RYR2: variants seen among roughly 807,000 people sequenced by gnomAD.
RYR2 encodes ryanodine receptor 2.
Under a neutral mutation model 601.1 loss-of-function variants are expected in RYR2, and 227 were observed. The observed-to-expected ratio is 0.38, with a 90% confidence interval of 0.34 to 0.42. The LOEUF (loss-of-function observed/expected upper bound fraction) is 0.42, where lower values mean the gene tolerates loss of function less well. RYR2 is among the 10% of genes least tolerant of loss of function. The probability of loss-of-function intolerance (pLI) is 1.00; values close to 1 mark genes in which losing one functional copy is unlikely to be tolerated. For synonymous variants in RYR2, 2,223 were observed against 2,175.1 expected (o/e 1.02, Z -0.61); for missense variants, 4,646 against 6,156.5 (o/e 0.75, Z 8.21).
chr1:237,208,958 A>ATATATATATATATATATATATG (rs1682166028), intron 1 of RYR2, among the ~76,000 whole-genome samples: 2 of 99,958 alleles, frequency 2.0e-5, no homozygotes, highest in African/African-American at 6.8e-5. Flanking sequence ...ATATATATAT[A>ATATATATATATATATATATATG]TATATATATA....
intron 24 of RYR2, among the ~76,000 whole-genome samples, chr1:237,514,561 T>C (rs1027089129): frequency 6.6e-6 from 1 of 152,258 alleles, no homozygotes; most frequent in African/African-American, 2.4e-5. Context: ...TGTACTTCTC[T>C]AAGATTCATA....
Position 237,660,168 on chromosome 1 carries a change from T to C in RYR2, c.8298+94T>C. The C allele has an allele frequency of 6.2e-6, 4 of 642,940 alleles. No homozygotes were observed. The South Asian group carries it at 1.8e-4, about 30-fold the overall frequency. 39.8% of individuals were successfully genotyped at this position (642,940 alleles called of 1,614,324 possible). On this transcript the variant is annotated intron_variant, in intron 55 of 104. Transcript: ENST00000366574. ...ATTTTTTATATTAAAATGTCTTCTT[T>C]ATTTTAAATTTCACATTTTTTCTTC...
intron 66 of RYR2, among the ~76,000 whole-genome samples, chr1:237,702,963 T>G (rs1688083788): frequency 6.6e-6 from 1 of 152,160 alleles, no homozygotes; most frequent in South Asian, 2.1e-4. Context: ...AACTCAATTT[T>G]CATATTATTT....
Position 237,565,194 on chromosome 1 carries a change from T to TCTCTTTCTTTCTTTCTTTCTTC in RYR2, c.3215-1371_3215-1370insCTTTCTTTCTTTCTTTCTTCCT, listed in dbSNP as rs1671914148. ...TTCTTTCTTTCTTTCTTTCTTTCTT[T>TCTCTTTCTTTCTTTCTTTCTTC]CTTTCTTTCTTTCTTTCTTTCTTTC... On this transcript the variant is annotated intron_variant, in intron 27 of 104. Coordinates refer to ENST00000366574, the MANE Select transcript of RYR2 (RefSeq NM_001035.3). Among the ~76,000 whole-genome samples, 9 of 87,752 alleles carry TCTCTTTCTTTCTTTCTTTCTTC rather than the reference T, an allele frequency of 1.0e-4. 1 individual carries two copies. Among genetic ancestry groups the TCTCTTTCTTTCTTTCTTTCTTC allele is most frequent in the Non-Finnish European group, 2.4e-4 (9 of 37,406 alleles). The allele number at this position is 87,752 out of a possible 152,430, so 57.6% of individuals were successfully genotyped here.
At chr1:237,196,310 T>C (rs1283826572) in intron 1 of RYR2, among the ~76,000 whole-genome samples, 1 of 152,138 alleles carries the variant, frequency 6.6e-6, no homozygotes. Context: ...AATAATAAAA[T>C]TGCCTTCTAT....
intron 1 of RYR2, among the ~76,000 whole-genome samples, chr1:237,174,869 A>G (rs992764660): frequency 6.6e-6 from 1 of 152,170 alleles, no homozygotes; most frequent in East Asian, 1.9e-4. Flanking sequence ...TATTAAATAT[A>G]CTCCACATTA....
chr1:237,181,934 A>G (rs373624683), intron 1 of RYR2, among the ~76,000 whole-genome samples: 1 of 152,192 alleles, frequency 6.6e-6, no homozygotes, highest in African/African-American at 2.4e-5. Context: ...GTGACTCACC[A>G]TTGCCAGAAC....
intron 31 of RYR2, among the ~76,000 whole-genome samples, chr1:237,591,300 C>A (rs1675176161): frequency 2.0e-5 from 3 of 151,270 alleles, no homozygotes; most frequent in Admixed American, 2.0e-4. Flanking sequence ...AATTTGTTAG[C>A]GTAGGTGCAA....
chr1:237,117,095 G>C lies in RYR2; in HGVS notation c.48+74526G>C, dbSNP rs182875685. Among the ~76,000 whole-genome samples, 298 of 152,268 alleles carry C rather than the reference G, an allele frequency of 2.0e-3. 1 individual carries two copies. The highest frequency in any genetic ancestry group is 6.9e-3 in the African/African-American group (285 of 41,550). On this transcript the variant is annotated intron_variant, in intron 1 of 104. Coordinates refer to ENST00000366574, the MANE Select transcript of RYR2 (RefSeq NM_001035.3). ...CCTTGGTGTGTGTGGGTTGAGAAAG[G>C]CCTGTGTCATGGAAGGCTGTGTCTT...
chr1:237,759,967 C>CG, intron 83 of RYR2, 115 bp downstream of exon 83: 2 of 716,678 alleles, frequency 2.8e-6, no homozygotes, highest in South Asian at 3.3e-5. Context: ...ATTAACAACA[C>CG]TTTAAAGTGG....
chr1:237,394,589 G>A (rs1482419213), intron 10 of RYR2, among the ~76,000 whole-genome samples: 1 of 152,170 alleles, frequency 6.6e-6, no homozygotes, highest in Non-Finnish European at 1.5e-5. Flanking sequence ...ATGAAAATGT[G>A]TCAACTGAAA....
At chr1:237,822,879 A>C (rs1182316824) in intron 101 of RYR2, among the ~76,000 whole-genome samples, 1 of 152,064 alleles carries the variant, frequency 6.6e-6, no homozygotes, top group African/African-American at 2.4e-5. Context: ...AAAAGCAGGG[A>C]TTGCAATTCT....
chr1:237,754,989 A>G (rs1190588782), intron 80 of RYR2: 1 of 906,348 alleles, frequency 1.1e-6, no homozygotes, highest in East Asian at 6.3e-5. Context: ...AATTTAAGAA[A>G]ACATAAAATT....
intron 41 of RYR2, among the ~76,000 whole-genome samples, chr1:237,631,212 T>G (rs918352633): frequency 3.9e-5 from 6 of 152,200 alleles, no homozygotes; most frequent in Non-Finnish European, 5.9e-5. Context: ...TTTATTACAA[T>G]GGAAAAGAAT....
chr1:237,505,861 A>G (rs901832198), intron 22 of RYR2, among the ~76,000 whole-genome samples: 2 of 152,160 alleles, frequency 1.3e-5, no homozygotes, highest in Admixed American at 6.5e-5. Context: ...TGAACATTCA[A>G]TTTCTTCCTT....
intron 1 of RYR2, among the ~76,000 whole-genome samples, chr1:237,054,064 T>A (rs769488514): frequency 6.6e-6 from 1 of 152,176 alleles, no homozygotes; most frequent in Non-Finnish European, 1.5e-5. Context: ...GGAAACTGAG[T>A]TGCAAAGAGG....
At chr1:237,264,120 T>A (rs1341830484) in intron 1 of RYR2, among the ~76,000 whole-genome samples, 1 of 118,616 alleles carries the variant, frequency 8.4e-6, no homozygotes, top group Non-Finnish European at 1.9e-5. Flanking sequence ...CACACACAGG[T>A]GCATACACAT....
intron 3 of RYR2, among the ~76,000 whole-genome samples, chr1:237,340,658 G>A (rs896842992): frequency 6.6e-6 from 1 of 152,118 alleles, no homozygotes; most frequent in African/African-American, 2.4e-5. Flanking sequence ...ACCTATTGAA[G>A]AACATCCTTG....
chr1:237,528,770 C>A (rs531120401), intron 24 of RYR2, among the ~76,000 whole-genome samples: 1 of 152,236 alleles, frequency 6.6e-6, no homozygotes, highest in South Asian at 2.1e-4. Context: ...TCTGGACTCA[C>A]ATTAACTACA....
Sources: gnomAD v4.1 joint callset for allele counts (sites outside exome capture counted in the v4.1 genomes callset) on GRCh38, gnomAD v4.1.1 for gene constraint, MANE v1.5 for transcripts, NCBI Gene and HGNC (gene_info 2026-07-23, HGNC 2026-07-21) for gene names.